Variants in DPYD observed in about 807,000 individuals in gnomAD.
The protein encoded by DPYD is dihydropyrimidine dehydrogenase.
Under a neutral mutation model 116.2 loss-of-function variants are expected in DPYD, and 109 were observed. The observed-to-expected ratio is 0.94, with a 90% CI of 0.80 to 1.10. The LOEUF is 1.10. DPYD is among the 50% of genes least tolerant of loss of function. DPYD has a pLI of 0.00. For synonymous variants in DPYD, 440 were observed against 432.0 expected (o/e 1.02, Z -0.23); for missense variants, 1,302 against 1,254.5 (o/e 1.04, Z -0.57).
chr1:97,611,365 A>C (rs1655932009), intron 8 of DPYD, among the ~76,000 whole-genome samples: 1 of 152,056 alleles, frequency 6.6e-6, no homozygotes, highest in African/African-American at 2.4e-5. Flanking sequence ...TGGGAGCTAT[A>C]AGATGAGAGT....
intron 14 of DPYD, among the ~76,000 whole-genome samples, chr1:97,402,039 CTT>C (rs1673407146): frequency 6.6e-6 from 1 of 152,076 alleles, no homozygotes; most frequent in Admixed American, 6.6e-5. Flanking sequence ...TATAGTAAGT[CTT>C]GAGGTTAGGT....
intron 14 of DPYD, among the ~76,000 whole-genome samples, chr1:97,436,892 G>A (rs1212882982): frequency 6.6e-6 from 1 of 151,812 alleles, no homozygotes; most frequent in Non-Finnish European, 1.5e-5. Flanking sequence ...GGGTGTTAGC[G>A]ATTCAACTCA....
chr1:97,903,663 T>C (rs964625377), intron 1 of DPYD, among the ~76,000 whole-genome samples: 10 of 151,966 alleles, frequency 6.6e-5, no homozygotes, highest in Admixed American at 4.6e-4. Flanking sequence ...ACAATTCATC[T>C]TTTTTCACAT....
chr1:97,176,748 G>A (rs961359278), intron 20 of DPYD, among the ~76,000 whole-genome samples: 1 of 152,054 alleles, frequency 6.6e-6, no homozygotes, highest in African/African-American at 2.4e-5. Flanking sequence ...TTTGGTGAGA[G>A]TACAGATTTG....
intron 14 of DPYD, among the ~76,000 whole-genome samples, chr1:97,395,938 C>T (rs756278011): frequency 7.9e-5 from 12 of 151,988 alleles, no homozygotes; most frequent in Admixed American, 1.3e-4. Context: ...TGGAACTTGA[C>T]CACAGATGGC....
chr1:97,093,803 CT>C (rs1443429819), intron 21 of DPYD, among the ~76,000 whole-genome samples: 2 of 152,112 alleles, frequency 1.3e-5, no homozygotes, highest in Non-Finnish European at 2.9e-5. Context: ...TTAAATATGT[CT>C]GCTTGTTAAA....
At chr1:97,848,819 C>T (rs1010392524) in intron 2 of DPYD, among the ~76,000 whole-genome samples, 11 of 152,070 alleles carry the variant, frequency 7.2e-5, no homozygotes, top group African/African-American at 2.2e-4. Flanking sequence ...AGAAAGGTTT[C>T]GGGATTTTTT....
At chr1:97,459,161 C>T (rs1407345935) in intron 13 of DPYD, among the ~76,000 whole-genome samples, 1 of 151,762 alleles carries the variant, frequency 6.6e-6, no homozygotes, top group Non-Finnish European at 1.5e-5. Context: ...AATAGAATTT[C>T]TAGAAATAAA....
At chr1:97,392,430 C>A (rs1035515677) in intron 14 of DPYD, among the ~76,000 whole-genome samples, 1 of 151,622 alleles carries the variant, frequency 6.6e-6, no homozygotes, top group East Asian at 1.9e-4. Context: ...TTATAGCTTA[C>A]CGTGGCATCG....
Position 97,448,268 on chromosome 1 carries a change from A to C in DPYD, c.1905+1791T>G, listed in dbSNP as rs925403261. On this transcript the variant is annotated intron_variant, in intron 14 of 22. Transcript: ENST00000370192. ...AGGACAACATAGGCAAATGCACTGG[A>C]TCAGAACAGAAGCATGGATGGTAAA... Among the ~76,000 whole-genome samples the C allele has an allele frequency of 3.3e-5, 5 of 152,324 alleles. No individual in the cohort carries two copies. In the East Asian group the frequency reaches 9.7e-4, roughly 29 times the overall value.
At chr1:97,313,671 TC>T (rs754592888) in intron 16 of DPYD, among the ~76,000 whole-genome samples, 1 of 151,904 alleles carries the variant, frequency 6.6e-6, no homozygotes. Context: ...TCATTTTTTG[TC>T]CCTTGAATAA....
At chr1:97,452,680 T>A (rs1388438916) in intron 13 of DPYD, among the ~76,000 whole-genome samples, 1 of 152,100 alleles carries the variant, frequency 6.6e-6, no homozygotes, top group Admixed American at 6.6e-5. Context: ...GTCCTCATGA[T>A]AATGAGTGAG....
chr1:97,658,426 G>T (rs1042773263), intron 8 of DPYD, among the ~76,000 whole-genome samples: 13 of 152,050 alleles, frequency 8.5e-5, no homozygotes, highest in Non-Finnish European at 1.3e-4. Context: ...TTGATTATAT[G>T]TACATAGGGA....
intron 3 of DPYD, among the ~76,000 whole-genome samples, chr1:97,783,104 G>A (rs1666846101): frequency 6.6e-6 from 1 of 152,186 alleles, no homozygotes; most frequent in Non-Finnish European, 1.5e-5. Flanking sequence ...AGCCAACGCT[G>A]TTGAACAGAA....
chr1:97,455,684 T>G (rs1378276038), intron 13 of DPYD, among the ~76,000 whole-genome samples: 2 of 151,920 alleles, frequency 1.3e-5, no homozygotes, highest in Non-Finnish European at 2.9e-5. Flanking sequence ...CTAGAACAAT[T>G]GCGCTACTAT....
chr1:97,157,698 G>C (rs1360814877), intron 20 of DPYD, among the ~76,000 whole-genome samples: 9 of 152,084 alleles, frequency 5.9e-5, no homozygotes, highest in Admixed American at 5.9e-4. Context: ...ACACAATAGA[G>C]TATTGCTTCT....
At chr1:97,529,775 TTCTTTC>T (rs1156595048) in intron 12 of DPYD, among the ~76,000 whole-genome samples, 2 of 123,046 alleles carry the variant, frequency 1.6e-5, no homozygotes, top group Non-Finnish European at 1.7e-5. Flanking sequence ...TCTTTCTTCT[TTCTTTC>T]TCTTTTTCTT....
chr1:97,655,691 A>C (rs1427048280), intron 8 of DPYD, among the ~76,000 whole-genome samples: 1 of 152,208 alleles, frequency 6.6e-6, no homozygotes, highest in Non-Finnish European at 1.5e-5. Context: ...CAAGCATAGG[A>C]ATACACAAAG....
intron 8 of DPYD, among the ~76,000 whole-genome samples, chr1:97,670,114 T>C (rs1659776684): frequency 6.6e-6 from 1 of 152,192 alleles, no homozygotes; most frequent in African/African-American, 2.4e-5. Context: ...GGAAGGGTTG[T>C]GTACTGTGAT....
Sources: gnomAD v4.1 joint callset for allele counts (sites outside exome capture counted in the v4.1 genomes callset) on GRCh38, gnomAD v4.1.1 for gene constraint, MANE v1.5 for transcripts, NCBI Gene and HGNC (gene_info 2026-07-23, HGNC 2026-07-21) for gene names.